Variants in RNF144A observed in about 807,000 individuals in gnomAD.
The protein encoded by RNF144A is ring finger protein 144A.
In RNF144A, 11 loss-of-function variants were observed where a neutral mutation model predicts 38.7. The observed-to-expected ratio is 0.28, with a 90% confidence interval of 0.18 to 0.47. The LOEUF is 0.47. RNF144A is among the 20% of genes least tolerant of loss of function. The pLI is 0.99. For synonymous variants in RNF144A, 149 were observed against 143.9 expected (o/e 1.04, Z -0.25); for missense variants, 316 against 377.2 (o/e 0.84, Z 1.34).
At chr2:6,928,114 G>A (rs988586887) in intron 1 of RNF144A, among the ~76,000 whole-genome samples, 4 of 152,210 alleles carry the variant, frequency 2.6e-5, no homozygotes, top group Admixed American at 6.5e-5. Context: ...GTTTGGGCAC[G>A]TCCTTCTTTG....
chr2:6,979,357 G>A (rs1204635722), intron 2 of RNF144A, among the ~76,000 whole-genome samples: 1 of 152,138 alleles, frequency 6.6e-6, no homozygotes, highest in Non-Finnish European at 1.5e-5. Flanking sequence ...GGGAGGCAGA[G>A]GTGCCTTCTG....
At chr2:7,058,829 A>G (rs928884437) in intron 6 of RNF144A, among the ~76,000 whole-genome samples, 1 of 152,122 alleles carries the variant, frequency 6.6e-6, no homozygotes, top group African/African-American at 2.4e-5. Flanking sequence ...TTTGTTAAAC[A>G]GTTTTTTTTT....
chr2:6,923,485 C>CTT (rs1664670748), intron 1 of RNF144A, among the ~76,000 whole-genome samples: 1 of 152,224 alleles, frequency 6.6e-6, no homozygotes, highest in South Asian at 2.1e-4. Context: ...CAGGGCTGAT[C>CTT]TCAGCAGCTG....
chr2:7,058,612 C>T (rs1157591711), intron 6 of RNF144A, among the ~76,000 whole-genome samples: 1 of 152,090 alleles, frequency 6.6e-6, no homozygotes, highest in Non-Finnish European at 1.5e-5. Context: ...AAACATAGCT[C>T]TAATAATATC....
intron 2 of RNF144A, among the ~76,000 whole-genome samples, chr2:6,977,380 A>G (rs909667634): frequency 4.6e-5 from 7 of 152,254 alleles, no homozygotes; most frequent in African/African-American, 1.7e-4. Context: ...ACAACTGGAC[A>G]TGGTTCTTTT....
At chr2:7,026,441 C>T (rs1396435160) in intron 7 of RNF144A, among the ~76,000 whole-genome samples, 1 of 150,722 alleles carries the variant, frequency 6.6e-6, no homozygotes, top group African/African-American at 2.4e-5. Context: ...GAAGTCTTAC[C>T]AAGTTTTTTA....
At chr2:6,979,546 T>C (rs1048539559) in intron 2 of RNF144A, among the ~76,000 whole-genome samples, 1 of 152,018 alleles carries the variant, frequency 6.6e-6, no homozygotes, top group African/African-American at 2.4e-5. Flanking sequence ...TTTTTTTTTT[T>C]CCTGAGGGTG....
Position 7,022,832 on chromosome 2 carries a change from T to TA in RNF144A, c.510-1537_510-1536insA, listed in dbSNP as rs199995270. 5.5e-3 allele frequency among the ~76,000 whole-genome samples: 836 copies of TA among 152,370 alleles called. 5 individuals carry two copies. Among genetic ancestry groups the TA allele is most frequent in the African/African-American group, 0.019 (796 of 41,584 alleles). On this transcript the variant is annotated intron_variant, in intron 6 of 8. Transcript: ENST00000320892. The stretch of plus-strand genomic sequence containing the variant: ...ACATTTGCACATATGCTATCTCGTT[T>TA]GCTCCTTGCAACAACCTTAGTTCAT...
intron 8 of RNF144A, among the ~76,000 whole-genome samples, chr2:7,032,735 G>A (rs1472394594): frequency 6.6e-6 from 1 of 152,192 alleles, no homozygotes; most frequent in Non-Finnish European, 1.5e-5. Context: ...ATCACCTCAT[G>A]GTAACTTGAT....
At chr2:7,029,768 G>T (rs1398656960) in intron 7 of RNF144A, among the ~76,000 whole-genome samples, 1 of 152,254 alleles carries the variant, frequency 6.6e-6, no homozygotes, top group African/African-American at 2.4e-5. Flanking sequence ...TGACCTGCGT[G>T]TTCAGTAGCC....
chr2:7,065,525 C>A (rs1312593072), intron 6 of RNF144A, among the ~76,000 whole-genome samples: 1 of 152,154 alleles, frequency 6.6e-6, no homozygotes, highest in Non-Finnish European at 1.5e-5. Flanking sequence ...TGGATAGATT[C>A]TTTTATAAAG....
In RNF144A at chr2:7,043,497, G is replaced by T; in HGVS notation, c.*3737G>T. 1.0e-6 allele frequency: 1 copy of T among 985,698 alleles called. No homozygotes were observed. Among genetic ancestry groups the T allele is most frequent in the Non-Finnish European group, 1.2e-6 (1 of 829,870 alleles). The allele number at this position is 985,698 out of a possible 1,614,324, so 61.1% of individuals were successfully genotyped here. On this transcript the variant is annotated 3_prime_UTR_variant, in exon 9 of 9. Coordinates refer to ENST00000320892, the MANE Select transcript of RNF144A (RefSeq NM_014746.6). Reference sequence around the variant, plus strand: ...ATAAATCACAAGGAGATCATCAAGGGAAAACATTTTGCATGTGTAAAGCTT... The same window carrying T: ...ATAAATCACAAGGAGATCATCAAGGTAAAACATTTTGCATGTGTAAAGCTT...
At chr2:7,028,902 C>T (rs921686306) in intron 7 of RNF144A, among the ~76,000 whole-genome samples, 2 of 152,214 alleles carry the variant, frequency 1.3e-5, no homozygotes, top group African/African-American at 4.8e-5. Flanking sequence ...CTTGCTACTG[C>T]ACCTGTAACA....
intron 2 of RNF144A, among the ~76,000 whole-genome samples, chr2:6,980,477 T>A (rs1668563446): frequency 6.6e-6 from 1 of 152,216 alleles, no homozygotes; most frequent in Non-Finnish European, 1.5e-5. Flanking sequence ...CATGCCAGTC[T>A]GAAATCTGGC....
intron 3 of RNF144A, among the ~76,000 whole-genome samples, chr2:7,011,741 T>C (rs1366086789): frequency 3.9e-5 from 6 of 152,240 alleles, no homozygotes; most frequent in African/African-American, 1.4e-4. Context: ...TTTCAAGACA[T>C]CTTTTTGCAA....
chr2:6,932,404 T>C (rs1333575242), intron 1 of RNF144A, among the ~76,000 whole-genome samples: 1 of 152,228 alleles, frequency 6.6e-6, no homozygotes, highest in Non-Finnish European at 1.5e-5. Flanking sequence ...ATTTAGACCA[T>C]TCACAATTAC....
chr2:7,054,448 GT>G (rs1673649154), intron 6 of RNF144A, among the ~76,000 whole-genome samples: 1 of 152,126 alleles, frequency 6.6e-6, no homozygotes, highest in African/African-American at 2.4e-5. Flanking sequence ...ATTATATAGG[GT>G]ATGGGACACA....
chr2:7,009,101 C>T (rs1670634275), intron 3 of RNF144A, among the ~76,000 whole-genome samples: 1 of 152,180 alleles, frequency 6.6e-6, no homozygotes, highest in Non-Finnish European at 1.5e-5. Context: ...TGTGCACTCA[C>T]CCTCCACATG....
rs541397356 is a variant in RNF144A at position 6,941,841 on chromosome 2, G to A, written c.-12+694G>A. Among the ~76,000 whole-genome samples, 12 of 152,212 alleles carry A rather than the reference G, an allele frequency of 7.9e-5. No homozygotes were observed. The highest frequency in any genetic ancestry group is 1.9e-4 in the East Asian group (1 of 5,188). On this transcript the variant is annotated intron_variant, in intron 2 of 8. Transcript: ENST00000320892. The surrounding 1 kb of genome is among the most constrained non-coding windows in gnomAD (Gnocchi z 6.5). ...AGAAGGGCTGGTGGCTGCAGCATACGGACAGCTGGAGGAGCACCCAGGCCA... is the reference window on the plus strand; with the variant it reads ...AGAAGGGCTGGTGGCTGCAGCATACAGACAGCTGGAGGAGCACCCAGGCCA...
Sources: gnomAD v4.1 joint callset for allele counts (sites outside exome capture counted in the v4.1 genomes callset) on GRCh38, gnomAD v4.1.1 for gene constraint, Gnocchi (gnomAD v3.1) non-coding constraint, MANE v1.5 for transcripts, NCBI Gene and HGNC (gene_info 2026-07-23, HGNC 2026-07-21) for gene names.